Variants in PEX11G observed in about 807,000 individuals in gnomAD.
PEX11G encodes peroxisomal biogenesis factor 11 gamma.
A neutral mutation model predicts 22.5 loss-of-function variants in PEX11G; 20 were observed. The observed-to-expected ratio is 0.89, with a 90% CI of 0.62 to 1.29. The LOEUF is 1.29. PEX11G is among the 50% of genes most tolerant of loss of function. The pLI is 0.00. For synonymous variants in PEX11G, 141 were observed against 154.5 expected (o/e 0.91, Z 0.65); for missense variants, 347 against 331.3 (o/e 1.05, Z -0.37).
At chr19:7,485,778 T>A in intron 2 of PEX11G, 60 bp downstream of exon 2, 1 of 1,451,506 alleles carries the variant, frequency 6.9e-7, no homozygotes, top group East Asian at 2.4e-5. Context: ...CAAAAAATTT[T>A]TTAAAAAATG....
At chr19:7,478,176 A>T (rs1977318205) in intron 4 of PEX11G, 138 bp downstream of exon 4, 5 of 885,788 alleles carry the variant, frequency 5.6e-6, no homozygotes, top group Non-Finnish European at 8.7e-6. Flanking sequence ...ACCGCCACCC[A>T]CCAGAGGCTG....
chr19:7,485,500 C>A (rs755502365), intron 2 of PEX11G, among the ~76,000 whole-genome samples: 1 of 152,162 alleles, frequency 6.6e-6, no homozygotes, highest in Non-Finnish European at 1.5e-5. Context: ...GGACTGCAGG[C>A]GCCTGCAACC....
At chr19:7,489,250 A>G (rs1217137112), upstream of PEX11G, 2 of 1,237,668 alleles carry the variant, frequency 1.6e-6, no homozygotes, top group Non-Finnish European at 2.0e-6. Context: ...ATTCTGCCCC[A>G]CGGCGGTTTG....
intron 1 of PEX11G, among the ~76,000 whole-genome samples, chr19:7,494,577 A>T (rs73488473): frequency 6.6e-6 from 1 of 152,294 alleles, no homozygotes; most frequent in African/African-American, 2.4e-5. Flanking sequence ...GGCAACAGAG[A>T]TACAGCAGTG....
intron 3 of PEX11G, among the ~76,000 whole-genome samples, 188 bp from the exon 4 acceptor site, chr19:7,478,564 A>C (rs1352480976): frequency 6.6e-6 from 1 of 151,950 alleles, no homozygotes; most frequent in African/African-American, 2.4e-5. Context: ...CATCTCTAAC[A>C]CGGCCCCGTC....
rs1442877474 is a variant in PEX11G at position 7,477,372 on chromosome 19, G to T, written c.556C>A (p.Leu186Ile). 1 of 1,559,346 alleles carries T rather than the reference G, an allele frequency of 6.4e-7. No homozygotes were observed. The highest frequency in any genetic ancestry group is 1.4e-5 in the African/African-American group (1 of 73,182). The change falls in exon 5 of 5, where the codon CTC becomes ATC. Residue 186 changes from leucine to isoleucine, a missense_variant. Physicochemically the swap from Leu to Ile is conservative, Grantham distance 5. Coordinates refer to ENST00000221480, the MANE Select transcript of PEX11G (RefSeq NM_080662.4). ...AQMQSEALSL[L>I]SNLADLANAV... ...TTGGCCAGGTCGGCCAGGTTGCTGA[G>T]AAGTGACAGCGCCTCCGACTGCATC... is the stretch of plus-strand genomic sequence containing the variant.
chr19:7,479,511 C>T (rs939771559), intron 3 of PEX11G, among the ~76,000 whole-genome samples: 7 of 152,152 alleles, frequency 4.6e-5, no homozygotes, highest in African/African-American at 1.4e-4. Flanking sequence ...CCCTGGGCGC[C>T]GGACCCAGGC....
chr19:7,488,803 T>C (rs2021781063), intron 1 of PEX11G, 148 bp downstream of exon 1: 2 of 798,912 alleles, frequency 2.5e-6, no homozygotes, highest in Admixed American at 2.2e-5. Flanking sequence ...AAATGTCCAA[T>C]GCTAGGGCAC....
intron 1 of PEX11G, 24 bp downstream of exon 1, chr19:7,488,927 G>A (rs777948818): frequency 1.2e-5 from 19 of 1,548,144 alleles, no homozygotes; most frequent in Middle Eastern, 1.7e-4. Context: ...TAGGACCTCC[G>A]GCCCCGGTCC....
At chr19:7,478,446 C>T (rs2145948139) in intron 3 of PEX11G, 70 bp from the exon 4 acceptor site, 2 of 1,496,602 alleles carry the variant, frequency 1.3e-6, no homozygotes, top group African/African-American at 1.4e-5. Context: ...AACGCTGGCC[C>T]CGGACATACA....
chr19:7,492,159 CCCTGGATTCCATT>C, upstream of PEX11G, among the ~76,000 whole-genome samples: 1 of 152,248 alleles, frequency 6.6e-6, no homozygotes, highest in African/African-American at 2.4e-5. Context: ...TAGTTGGAGT[CCCTGGATTCCATT>C]CCTTTGGGTC....
intron 1 of PEX11G, among the ~76,000 whole-genome samples, chr19:7,488,036 T>C (rs2021741761): frequency 1.3e-5 from 2 of 152,176 alleles, no homozygotes; most frequent in African/African-American, 2.4e-5. Flanking sequence ...TGGGACTTGA[T>C]TGGAACTAAA....
At chr19:7,489,405 C>A (rs183332526), upstream of PEX11G, 260 of 1,020,516 alleles carry the variant, frequency 2.5e-4, 3 homozygotes, top group East Asian at 0.012. Flanking sequence ...TTCACCTTTT[C>A]TGCACTGTCT....
chr19:7,477,082 G>A lies in PEX11G; in HGVS notation c.*120C>T, dbSNP rs922817032. ...TCGCATCAGTCCCTCCACCCACCCT[G>A]CCCATGGGTTTCACCACAGGCAGCT... is the stretch of plus-strand genomic sequence containing the variant. On this transcript the variant is annotated 3_prime_UTR_variant, in exon 5 of 5. Transcript: ENST00000221480. The A allele has an allele frequency of 3.8e-5, 36 of 957,208 alleles. No individual in the cohort carries two copies. The highest frequency in any genetic ancestry group is 1.2e-5 in the Non-Finnish European group (8 of 695,288). The allele number at this position is 957,208 out of a possible 1,614,324, so 59.3% of individuals were successfully genotyped here. A position where few individuals can be genotyped will look rare whatever the true frequency, so the allele number is the denominator to read the frequency against.
intron 1 of PEX11G, among the ~76,000 whole-genome samples, chr19:7,494,802 C>T (rs1013421330): frequency 2.0e-5 from 3 of 152,128 alleles, no homozygotes; most frequent in East Asian, 1.9e-4. Flanking sequence ...ACTCTGTGAC[C>T]GCGGCAGAGC....
intron 2 of PEX11G, among the ~76,000 whole-genome samples, chr19:7,483,611 C>G (rs1209597464): frequency 1.3e-5 from 2 of 152,130 alleles, no homozygotes; most frequent in Admixed American, 6.5e-5. Context: ...TAATCAGACA[C>G]GGAGGAGGAG....
upstream of PEX11G, among the ~76,000 whole-genome samples, chr19:7,491,646 T>C (rs1374128656): frequency 6.6e-6 from 1 of 151,914 alleles, no homozygotes; most frequent in African/African-American, 2.4e-5. Flanking sequence ...CATAATAGGT[T>C]GTTTTGGTTT....
intron 1 of PEX11G, among the ~76,000 whole-genome samples, chr19:7,494,928 G>C (rs1240384298): frequency 6.6e-6 from 1 of 152,180 alleles, no homozygotes. Context: ...AGCAACGGCT[G>C]TTCCTTACCA....
chr19:7,477,799 T>A (rs1444284541), intron 4 of PEX11G, among the ~76,000 whole-genome samples: 2 of 152,154 alleles, frequency 1.3e-5, no homozygotes, highest in Non-Finnish European at 2.9e-5. Context: ...CCTTTCTTTA[T>A]CAGGATGACA....
Sources: gnomAD v4.1 joint callset for allele counts (sites outside exome capture counted in the v4.1 genomes callset) on GRCh38, gnomAD v4.1.1 for gene constraint, MANE v1.5 for transcripts, NCBI Gene and HGNC (gene_info 2026-07-23, HGNC 2026-07-21) for gene names.